The following GPHN variants were observed in gnomAD, a reference collection of about 807,000 sequenced individuals.
The protein encoded by GPHN is gephyrin.
GPHN carries 17 observed loss-of-function variants against 95.5 expected under a neutral mutation model. The observed-to-expected ratio is 0.18, with a 90% CI of 0.12 to 0.27. The LOEUF is 0.27. Ranked by LOEUF, GPHN falls within the 10% of genes least tolerant of loss-of-function variation. The probability of loss-of-function intolerance (pLI) is 1.00; values close to 1 mark genes in which losing one functional copy is unlikely to be tolerated. For missense variants in GPHN, 660 were observed against 978.1 expected (o/e 0.67, Z 4.34); for synonymous variants, 320 against 322.5 (o/e 0.99, Z 0.08).
chr14:67,612,125 A>G, the GPHN span, among the ~76,000 whole-genome samples: 1 of 152,206 alleles, frequency 6.6e-6, no homozygotes, highest in Non-Finnish European at 1.5e-5. Context: ...GTAGCTGTAA[A>G]TACAGGTGAA....
At chr14:67,372,814 A>G in the GPHN span, among the ~76,000 whole-genome samples, 28,441 of 151,158 alleles carry the variant, frequency 0.19, 4,323 homozygotes, top group East Asian at 0.48. Flanking sequence ...GCGACAGAGC[A>G]AGACTCCATC....
chr14:66,508,730 A>C, intron 1 of GPHN, 139 bp downstream of exon 1: 2 of 748,610 alleles, frequency 2.7e-6, no homozygotes, highest in Non-Finnish European at 2.4e-6. Context: ...GCATTTTACA[A>C]CCGCTGAGAA....
At chr14:67,145,485 C>T (rs1756576574) in intron 18 of GPHN, among the ~76,000 whole-genome samples, 1 of 152,170 alleles carries the variant, frequency 6.6e-6, no homozygotes, top group Non-Finnish European at 1.5e-5. Context: ...AAGATACTTA[C>T]ACTAAACCTT....
intron 1 of GPHN, among the ~76,000 whole-genome samples, chr14:66,648,689 CAT>C (rs2064883605): frequency 6.6e-6 from 1 of 152,132 alleles, no homozygotes; most frequent in Admixed American, 6.5e-5. Context: ...CACCTAATGT[CAT>C]ATTTCTGAGA....
At chr14:67,147,364 C>T (rs72715402) in intron 18 of GPHN, among the ~76,000 whole-genome samples, 10,026 of 152,220 alleles carry the variant, frequency 0.066, 345 homozygotes, top group Middle Eastern at 0.085. Flanking sequence ...CAGGCAAGCA[C>T]CAGAGTAAAA....
intron 2 of GPHN, chr14:66,760,686 C>A: frequency 2.3e-6 from 1 of 437,780 alleles, no homozygotes; most frequent in Non-Finnish European, 4.3e-6. Context: ...GTTAGGTGAA[C>A]CAAAGCATTC....
chr14:67,171,109 G>A (rs2082574356), intron 21 of GPHN, among the ~76,000 whole-genome samples: 1 of 152,124 alleles, frequency 6.6e-6, no homozygotes. Flanking sequence ...TGCTCCTCAG[G>A]AGGCTCAGGC....
At chr14:67,578,470 G>A in the GPHN span, 1 of 1,144,142 alleles carries the variant, frequency 8.7e-7, no homozygotes, top group Non-Finnish European at 1.3e-6. The surrounding 1 kb of genome is among the most constrained non-coding windows in gnomAD (Gnocchi z 5.0). Flanking sequence ...TGTAGCTCAG[G>A]GCTATGAGGA....
chr14:67,493,127 G>A, the GPHN span, among the ~76,000 whole-genome samples: 1 of 152,224 alleles, frequency 6.6e-6, no homozygotes, highest in Non-Finnish European at 1.5e-5. Flanking sequence ...TGAAGTAGGA[G>A]AAAGTTAGAC....
intron 1 of GPHN, among the ~76,000 whole-genome samples, chr14:66,599,905 G>A (rs1052418380): frequency 5.3e-5 from 8 of 151,676 alleles, no homozygotes; most frequent in South Asian, 4.2e-4. Context: ...CTATGTAAAC[G>A]TTAAAATTTT....
intron 5 of GPHN, among the ~76,000 whole-genome samples, chr14:66,886,002 G>A (rs952608384): frequency 6.6e-6 from 1 of 151,968 alleles, no homozygotes; most frequent in Admixed American, 6.6e-5. Flanking sequence ...AAATCCATGA[G>A]GAAGATGAAA....
chr14:66,629,225 ATATG>A (rs1424474874), intron 1 of GPHN, among the ~76,000 whole-genome samples: 4 of 144,828 alleles, frequency 2.8e-5, no homozygotes, highest in Non-Finnish European at 6.0e-5. Flanking sequence ...ACATATATAA[ATATG>A]TATATAAATA....
At chr14:67,506,456 A>G in the GPHN span, among the ~76,000 whole-genome samples, 2 of 152,210 alleles carry the variant, frequency 1.3e-5, no homozygotes, top group African/African-American at 4.8e-5. Flanking sequence ...AAACATAGCT[A>G]TTAAAATGAA....
At chr14:66,894,525 C>G (rs1279490700) in intron 5 of GPHN, among the ~76,000 whole-genome samples, 1 of 152,102 alleles carries the variant, frequency 6.6e-6, no homozygotes, top group African/African-American at 2.4e-5. Flanking sequence ...TCTAATTAAA[C>G]TAAAGAGCTT....
At chr14:66,668,889 T>G (rs1332315555) in intron 1 of GPHN, among the ~76,000 whole-genome samples, 1 of 151,782 alleles carries the variant, frequency 6.6e-6, no homozygotes, top group Non-Finnish European at 1.5e-5. Flanking sequence ...TTTTTTTTTT[T>G]TCTTTTTTTG....
At chr14:67,670,313 G>A in the GPHN span, among the ~76,000 whole-genome samples, 1 of 151,950 alleles carries the variant, frequency 6.6e-6, no homozygotes, top group Admixed American at 6.6e-5. Flanking sequence ...CTCACAATCT[G>A]GCTGTTTCAC....
rs187662885 is a variant in GPHN, at chr14:66,761,761, G to A, written c.144-14703G>A. 3.1e-3 allele frequency among the ~76,000 whole-genome samples: 465 copies of A among 151,068 alleles called. 11 individuals carry two copies. The highest frequency in any genetic ancestry group is 0.011 in the African/African-American group (439 of 41,218). ...TGCAAGCTCCGCCTCCTGGGTTCAC[G>A]CCATTCTCCTGCCTTAGCCTCCCCA... On this transcript the variant is annotated intron_variant, in intron 2 of 22. Transcript: ENST00000478722.
At chr14:67,294,435 C>G in the GPHN span, 1 of 151,982 alleles carries the variant, frequency 6.6e-6, no homozygotes, top group Non-Finnish European at 1.5e-5. Context: ...CAATCCAACT[C>G]CCCTGTTTCA....
the GPHN span, among the ~76,000 whole-genome samples, chr14:67,452,493 C>T: frequency 3.3e-5 from 5 of 152,094 alleles, no homozygotes; most frequent in Admixed American, 2.6e-4. Context: ...TTGTAAATTG[C>T]CCAGTCTCCG....
Sources: gnomAD v4.1 joint callset for allele counts (sites outside exome capture counted in the v4.1 genomes callset) on GRCh38, gnomAD v4.1.1 for gene constraint, Gnocchi (gnomAD v3.1) non-coding constraint, MANE v1.5 for transcripts, NCBI Gene and HGNC (gene_info 2026-07-23, HGNC 2026-07-21) for gene names.